The following PIPOX variants were observed in gnomAD, a reference collection of about 807,000 sequenced individuals.
The protein encoded by PIPOX is pipecolic acid and sarcosine oxidase.
Under a neutral mutation model 47.9 loss-of-function variants are expected in PIPOX, and 45 were observed. The ratio of observed to expected loss-of-function variants is 0.94; its 90% CI spans 0.74 to 1.20. PIPOX has a LOEUF of 1.20. Among genes scored for constraint, PIPOX ranks in the 50% most tolerant of loss-of-function variants. The pLI, the probability that PIPOX is intolerant of heterozygous loss-of-function variation, is 0.00. For synonymous variants in PIPOX, 165 were observed against 191.3 expected, an observed-to-expected ratio of 0.86 and a Z score of 1.13; for missense variants, 458 against 498.4, an observed-to-expected ratio of 0.92 and a Z score of 0.77.
intron 2 of PIPOX, chr17:29,046,641 A>G: frequency 1.0e-6 from 1 of 985,516 alleles, no homozygotes; most frequent in Non-Finnish European, 1.2e-6. Flanking sequence ...AGGAGGAGAC[A>G]GATGGGTGCA....
At chr17:29,055,965 C>G in intron 7 of PIPOX, 77 bp downstream of exon 7, 2 of 1,393,528 alleles carry the variant, frequency 1.4e-6, no homozygotes, top group Non-Finnish European at 2.0e-6. Flanking sequence ...ATTTTCCACA[C>G]TCTTAGCTGC....
chr17:29,043,479 G>C (rs570645518), intron 1 of PIPOX, 140 bp downstream of exon 1: 10 of 575,482 alleles, frequency 1.7e-5, no homozygotes, highest in African/African-American at 1.1e-4. Context: ...TTGTATCTTA[G>C]CTGCCTAGTG....
At position 29,053,114 on chromosome 17, in the gene PIPOX, A is replaced by G; in HGVS notation, c.458A>G (p.Lys153Arg). Residue 153 changes from lysine to arginine, a missense_variant, in exon 3 of 8, where the codon AAG (lysine) becomes AGG (arginine). Coordinates refer to ENST00000323372, the MANE Select transcript of PIPOX (RefSeq NM_016518.3). ...DNSGGVIYAY[K>R]ALRALQDAIR... ...TCCGGAGGAGTTATCTATGCATATA[A>G]GGCCCTCAGAGCCCTGCAGGTAATG... 6.2e-7 allele frequency: 1 copy of G among 1,614,118 alleles called. No individual in the cohort carries two copies. The highest frequency in any genetic ancestry group is 1.1e-5 in the South Asian group (1 of 91,086).
At position 29,053,472 on chromosome 17, in the gene PIPOX, C is replaced by T. The variant is rs1305918345; in HGVS notation, c.537C>T (p.Asn179=). 1.2e-6 allele frequency: 2 copies of T among 1,614,030 alleles called. No homozygotes were observed. The highest frequency in any genetic ancestry group is 2.7e-5 in the African/African-American group (2 of 74,938). The change falls in exon 4 of 8, where the codon AAC becomes AAT. Residue 179 remains asparagine (N), a synonymous_variant. Coordinates refer to ENST00000323372, the MANE Select transcript of PIPOX (RefSeq NM_016518.3). The stretch of plus-strand genomic sequence containing the variant: ...ACGGAGAGAAGGTGGTGGAGATAAA[C>T]CCAGGGCTACTGGTCACGGTGAAAA... ...VRDGEKVVEI[N]PGLLVTVKTT...
rs755512825 is a variant in PIPOX at position 29,056,296 on chromosome 17, C to T, written c.1164C>T (p.Ala388=). ...GCCGTTTCCCAAGCCTGGGCAAAGC[C>T]CACCTTTGACCTCTGGCCAGAAGCC... is the stretch of plus-strand genomic sequence containing the variant. ...RISRFPSLGK[A]HL Residue 388 remains alanine (A), a synonymous_variant, in exon 8 of 8, where the codon GCC becomes GCT. Coordinates refer to ENST00000323372, the MANE Select transcript of PIPOX (RefSeq NM_016518.3). 6.2e-7 allele frequency: 1 copy of T among 1,614,148 alleles called. No homozygotes were observed. The highest frequency in any genetic ancestry group is 8.5e-7 in the Non-Finnish European group (1 of 1,180,014).
At position 29,054,434 on chromosome 17, in the gene PIPOX, C is replaced by T. The variant is rs1205143908; in HGVS notation, c.661-111C>T. 14 of 1,128,266 alleles carry T rather than the reference C, an allele frequency of 1.2e-5. No individual in the cohort carries two copies. The East Asian group carries it at 2.1e-4, about 17-fold the overall frequency. 69.9% of individuals were successfully genotyped at this position (1,128,266 alleles called of 1,614,324 possible). Reference sequence around the variant, plus strand: ...GAGAGACAAACATGGATGAGTTCAACTGGGTGTCCAGGCTTGTGTTAGAGG... The same window carrying T: ...GAGAGACAAACATGGATGAGTTCAATTGGGTGTCCAGGCTTGTGTTAGAGG... On this transcript the variant is annotated intron_variant, in intron 4 of 7. Transcript: ENST00000323372.
At chr17:29,052,814 C>A (rs1384041296) in intron 2 of PIPOX, 106 bp from the exon 3 acceptor site, 2 of 922,142 alleles carry the variant, frequency 2.2e-6, no homozygotes, top group South Asian at 1.5e-5. Context: ...CTCAAGTCAT[C>A]CTCCTGCCTC....
chr17:29,050,828 TAA>T (rs1266281701), intron 2 of PIPOX, among the ~76,000 whole-genome samples: 3 of 136,866 alleles, frequency 2.2e-5, no homozygotes, highest in African/African-American at 2.8e-5. Flanking sequence ...CCATCTCCAT[TAA>T]AAAAAAAAAA....
At chr17:29,049,107 A>T (rs1239178508) in intron 2 of PIPOX, among the ~76,000 whole-genome samples, 1 of 152,216 alleles carries the variant, frequency 6.6e-6, no homozygotes, top group Non-Finnish European at 1.5e-5. Flanking sequence ...AGCAGAGTCA[A>T]CAAGGCCCTC....
Position 29,054,678 on chromosome 17 carries a change from C to T in PIPOX, c.794C>T (p.Pro265Leu), listed in dbSNP as rs1172473026. 6.2e-7 allele frequency: 1 copy of T among 1,613,930 alleles called. No individual in the cohort carries two copies. Among genetic ancestry groups the T allele is most frequent in the Non-Finnish European group, 8.5e-7 (1 of 1,179,930 alleles). The change falls in exon 5 of 8, where the codon CCA becomes CTA. Residue 265 changes from proline (P) to leucine (L), a missense_variant. Physicochemically the swap from Pro to Leu is moderately conservative, Grantham distance 98. Transcript: ENST00000323372. The part of the protein sequence containing the change: ...HIYGLPTGEY[P>L]GLMKVSYHHG... The stretch of plus-strand genomic sequence containing the variant: ...TACGGACTGCCCACAGGAGAGTACC[C>T]AGGGCTGATGAAGGTGAGCGGAAAG...
intron 1 of PIPOX, chr17:29,044,103 A>C (rs2065776395): frequency 6.6e-6 from 1 of 152,164 alleles, no homozygotes; most frequent in South Asian, 2.1e-4. Flanking sequence ...TCATTTCTCT[A>C]TCAGTTTTCT....
intron 2 of PIPOX, chr17:29,052,066 C>T (rs1402684073): frequency 2.1e-6 from 1 of 470,448 alleles, no homozygotes; most frequent in South Asian, 1.6e-5. Context: ...AGAGACAGAG[C>T]CAGATCTCTC....
chr17:29,047,271 G>A (rs1447442624), intron 2 of PIPOX, among the ~76,000 whole-genome samples: 1 of 152,034 alleles, frequency 6.6e-6, no homozygotes, highest in South Asian at 2.1e-4. Flanking sequence ...CTCCAGCCTG[G>A]GTGACAGAGT....
chr17:29,050,257 TCCAGG>T (rs2065800775), intron 2 of PIPOX, among the ~76,000 whole-genome samples: 1 of 152,214 alleles, frequency 6.6e-6, no homozygotes, highest in Non-Finnish European at 1.5e-5. Context: ...CTCTGGAATT[TCCAGG>T]TCAGGGATTT....
rs975226868 is a variant in PIPOX, at chr17:29,056,506, A to G, written c.*201A>G. ...TCTGCCTCACTTGAATCCCCCGTAA[A>G]CACCAGACGATTGAGTCTACCTTCT... On this transcript the variant is annotated 3_prime_UTR_variant, in exon 8 of 8. Transcript: ENST00000323372. The G allele has an allele frequency of 8.2e-6, 5 of 611,234 alleles. No individual in the cohort carries two copies. Among genetic ancestry groups the G allele is most frequent in the South Asian group, 6.2e-5 (3 of 48,064 alleles). 37.9% of individuals were successfully genotyped at this position (611,234 alleles called of 1,614,324 possible). A position where few individuals can be genotyped will look rare whatever the true frequency, so the allele number is the denominator to read the frequency against.
rs570204443 is a variant in PIPOX, at chr17:29,056,212, C to A, written c.1080C>A (p.Ile360=). The change falls in exon 8 of 8, where the codon ATC becomes ATA. Residue 360 remains isoleucine, a synonymous_variant. Transcript: ENST00000323372. ...AGCTGGCCCCTGTGGTGGGGAAGAT[C>A]CTGTATGAATTAAGCATGAAATTAA... ...GFKLAPVVGK[I]LYELSMKLTP... 2.5e-6 allele frequency: 4 copies of A among 1,614,094 alleles called. No homozygotes were observed. The African/African-American group carries it at 4.0e-5, about 16-fold the overall frequency.
Position 29,044,899 on chromosome 17 carries a change from G to A in PIPOX, c.155G>A (p.Ser52Asn), listed in dbSNP as rs1207967873. ...PHSRGSSHGQ[S>N]RIIRKAYLED... ...TCCCGAGGAAGCTCCCATGGACAAA[G>A]CCGGATAATCCGAAAGGCGTACCTG... The change falls in exon 2 of 8, where the codon AGC (serine) becomes AAC (asparagine). Residue 52 changes from serine (S) to asparagine (N), a missense_variant. Transcript: ENST00000323372. The A allele has an allele frequency of 1.9e-6, 3 of 1,614,102 alleles. No homozygotes were observed. In the Admixed American group the frequency reaches 5.0e-5, roughly 27 times the overall value.
intron 1 of PIPOX, among the ~76,000 whole-genome samples, chr17:29,043,591 A>G (rs1164333658): frequency 1.3e-5 from 2 of 152,178 alleles, no homozygotes; most frequent in African/African-American, 4.8e-5. Flanking sequence ...GCCCTTGACC[A>G]AGCGTCCTAG....
chr17:29,044,947 T>A lies in PIPOX; in HGVS notation c.203T>A (p.Met68Lys), dbSNP rs1240871192. 3.1e-6 allele frequency: 5 copies of A among 1,614,130 alleles called. No individual in the cohort carries two copies. Among genetic ancestry groups the A allele is most frequent in the Non-Finnish European group, 4.2e-6 (5 of 1,180,002 alleles). ...AYLEDFYTRM[M>K]HECYQIWAQL... ...CTGGAAGACTTTTACACCCGGATGATGCATGAGTGCTATCAGATATGGGCC... is the reference window on the plus strand; with the variant it reads ...CTGGAAGACTTTTACACCCGGATGAAGCATGAGTGCTATCAGATATGGGCC... The change falls in exon 2 of 8, where the codon ATG becomes AAG. Residue 68 changes from methionine (M) to lysine (K), a missense_variant. Physicochemically the swap from Met to Lys is moderately conservative, Grantham distance 95 (BLOSUM62 -1). Coordinates refer to ENST00000323372, the MANE Select transcript of PIPOX (RefSeq NM_016518.3).
Sources: allele counts gnomAD v4.1 joint callset (sites outside exome capture counted in the v4.1 genomes callset), GRCh38; gene constraint gnomAD v4.1.1; transcripts MANE v1.5; gene names NCBI Gene and HGNC (gene_info 2026-07-23, HGNC 2026-07-21).